UBE2L3: variants seen among roughly 807,000 people sequenced by gnomAD.
UBE2L3 encodes the protein ubiquitin conjugating enzyme E2 L3.
A neutral mutation model predicts 17.8 loss-of-function variants in UBE2L3; 1 was observed. The ratio of observed to expected loss-of-function variants is 0.06; its 90% confidence interval spans 0.02 to 0.27. The LOEUF is 0.27. Ranked by LOEUF, UBE2L3 falls within the 10% of genes least tolerant of loss-of-function variation. The pLI is 1.00. For missense variants in UBE2L3, 40 were observed against 192.6 expected (o/e 0.21, Z 4.69); for synonymous variants, 44 against 68.5 (o/e 0.64, Z 1.76).
chr22:21,579,777 A>G (rs560430918), intron 1 of UBE2L3, among the ~76,000 whole-genome samples: 8 of 148,490 alleles, frequency 5.4e-5, no homozygotes, highest in East Asian at 2.0e-4. Flanking sequence ...TCTCAGGGGG[A>G]AAAAAAAAAG....
upstream of UBE2L3, chr22:21,567,583 TC>T: frequency 7.6e-6 from 11 of 1,454,112 alleles, no homozygotes; most frequent in Non-Finnish European, 1.0e-5. Flanking sequence ...TCACTTGCGT[TC>T]CTCCACGCGC....
intron 2 of UBE2L3, among the ~76,000 whole-genome samples, chr22:21,602,352 C>G (rs1214135860): frequency 6.6e-6 from 1 of 152,196 alleles, no homozygotes; most frequent in Non-Finnish European, 1.5e-5. Flanking sequence ...GAACACACCA[C>G]AAGGACGTGC....
chr22:21,570,589 G>T (rs544824851), intron 1 of UBE2L3, among the ~76,000 whole-genome samples: 1 of 152,292 alleles, frequency 6.6e-6, no homozygotes, highest in South Asian at 2.1e-4. Context: ...CTCAAAGGCT[G>T]CATGGAGCGG....
chr22:21,590,909 T>C (rs1928226953), intron 1 of UBE2L3, among the ~76,000 whole-genome samples: 1 of 152,214 alleles, frequency 6.6e-6, no homozygotes, highest in Non-Finnish European at 1.5e-5. Context: ...TGAGCACCAC[T>C]GTGAGCCAGG....
chr22:21,562,741 G>A (rs555620426), upstream of UBE2L3, among the ~76,000 whole-genome samples: 13 of 137,834 alleles, frequency 9.4e-5, no homozygotes, highest in Middle Eastern at 4.1e-3. Context: ...TCCTGACCTC[G>A]TGATCCACCT....
At chr22:21,602,422 C>G (rs1175829040) in intron 2 of UBE2L3, among the ~76,000 whole-genome samples, 3 of 152,158 alleles carry the variant, frequency 2.0e-5, no homozygotes, top group African/African-American at 7.2e-5. Flanking sequence ...CTGTGGCTGC[C>G]AGAGAGCTGT....
intron 1 of UBE2L3, among the ~76,000 whole-genome samples, chr22:21,569,616 T>C (rs903743258): frequency 5.3e-5 from 8 of 152,184 alleles, no homozygotes; most frequent in African/African-American, 1.9e-4. Flanking sequence ...CAGTTAATCC[T>C]AACCTCTTAC....
intron 3 of UBE2L3, among the ~76,000 whole-genome samples, chr22:21,617,033 A>G (rs1016844391): frequency 6.6e-6 from 1 of 150,878 alleles, no homozygotes; most frequent in Non-Finnish European, 1.5e-5. Flanking sequence ...ACACGGTGAA[A>G]CCCCGTCTCT....
chr22:21,567,666 C>G, upstream of UBE2L3: 2 of 1,549,610 alleles, frequency 1.3e-6, no homozygotes, highest in Non-Finnish European at 1.7e-6. Context: ...GGCCCCTCCC[C>G]CGCTCCAGGA....
chr22:21,567,856 C>T (rs1926719274), intron 1 of UBE2L3, 85 bp downstream of exon 1: 4 of 1,549,512 alleles, frequency 2.6e-6, no homozygotes, highest in East Asian at 2.4e-5. Context: ...CTTCTCAGGG[C>T]GCTGCCGTCT....
At chr22:21,557,690 T>C (rs1601381122) in intron 1 of UBE2L3, among the ~76,000 whole-genome samples, 1 of 152,198 alleles carries the variant, frequency 6.6e-6, no homozygotes, top group South Asian at 2.1e-4. Context: ...GCCCGGCTAA[T>C]TTTTGTATTT....
chr22:21,565,971 CTTTTTTTT>C (rs527289152), upstream of UBE2L3, among the ~76,000 whole-genome samples: 2 of 122,634 alleles, frequency 1.6e-5, no homozygotes, highest in Admixed American at 9.3e-5. Flanking sequence ...CAGAGTACTC[CTTTTTTTT>C]TTTTTTTTTT....
chr22:21,573,312 C>T (rs1249552149), intron 1 of UBE2L3, among the ~76,000 whole-genome samples: 9 of 152,112 alleles, frequency 5.9e-5, no homozygotes, highest in Non-Finnish European at 1.3e-4. Flanking sequence ...CTTGTCTCTC[C>T]CCACTTGCCC....
At chr22:21,590,228 G>A (rs980168866) in intron 1 of UBE2L3, among the ~76,000 whole-genome samples, 10 of 151,520 alleles carry the variant, frequency 6.6e-5, no homozygotes, top group African/African-American at 2.2e-4. Flanking sequence ...ACAGAGTTTC[G>A]CTCTTTTCGC....
At chr22:21,562,944 T>G (rs963656272), upstream of UBE2L3, among the ~76,000 whole-genome samples, 1 of 133,640 alleles carries the variant, frequency 7.5e-6, no homozygotes, top group African/African-American at 3.1e-5. Context: ...AGAAGCCACT[T>G]CTTTTCAAAA....
At chr22:21,588,221 G>A (rs1182917636) in intron 1 of UBE2L3, among the ~76,000 whole-genome samples, 2 of 152,058 alleles carry the variant, frequency 1.3e-5, no homozygotes, top group Non-Finnish European at 2.9e-5. Flanking sequence ...CTGCTCTTGC[G>A]GTTTTTATCA....
At chr22:21,609,269 A>G (rs1391666969) in intron 2 of UBE2L3, among the ~76,000 whole-genome samples, 1 of 152,232 alleles carries the variant, frequency 6.6e-6, no homozygotes, top group Non-Finnish European at 1.5e-5. Flanking sequence ...TATTTAGCCA[A>G]ATGAATTGAA....
At position 21,622,394 on chromosome 22, in the gene UBE2L3, AG is replaced by A. The variant is rs1440177809; in HGVS notation, c.*727del. Reference sequence around the variant, plus strand: ...CTGCACAGAGAAGCCCTATAATCACAGGTCTGTGGTGGCCCCGAAATGGGGG... The same window carrying A: ...CTGCACAGAGAAGCCCTATAATCACAGTCTGTGGTGGCCCCGAAATGGGGG... On this transcript the variant is annotated 3_prime_UTR_variant, in exon 4 of 4. Coordinates refer to ENST00000342192, the MANE Select transcript of UBE2L3 (RefSeq NM_003347.4). The A allele has an allele frequency of 6.5e-6, 1 of 152,790 alleles. No individual in the cohort carries two copies. Among genetic ancestry groups the A allele is most frequent in the African/African-American group, 2.4e-5 (1 of 41,428 alleles). 9.5% of individuals were successfully genotyped at this position (152,790 alleles called of 1,614,324 possible).
intron 2 of UBE2L3, among the ~76,000 whole-genome samples, chr22:21,599,260 T>A (rs1017321009): frequency 6.6e-5 from 10 of 152,074 alleles, no homozygotes; most frequent in Non-Finnish European, 1.0e-4. Flanking sequence ...TGCCTGTAAT[T>A]GTCAGTTCTT....
Sources: gnomAD v4.1 joint callset for allele counts (sites outside exome capture counted in the v4.1 genomes callset) on GRCh38, gnomAD v4.1.1 for gene constraint, MANE v1.5 for transcripts, NCBI Gene and HGNC (gene_info 2026-07-23, HGNC 2026-07-21) for gene names.